CPNE4: variants seen among roughly 807,000 people sequenced by gnomAD.
CPNE4 encodes the protein copine 4, also known as copine-4.
A neutral mutation model predicts 67.9 loss-of-function variants in CPNE4; 25 were observed. The ratio of observed to expected loss-of-function variants is 0.37; its 90% CI spans 0.27 to 0.51. The LOEUF is 0.51. Ranked by LOEUF, CPNE4 falls within the 20% of genes least tolerant of loss-of-function variation. The pLI is 0.93. For synonymous variants in CPNE4, 242 were observed against 244.9 expected, an observed-to-expected ratio of 0.99 and a Z score of 0.11; for missense variants, 464 against 690.8, an observed-to-expected ratio of 0.67 and a Z score of 3.68.
chr3:131,717,926 C>CTTTCT (rs2081768597), intron 3 of CPNE4, among the ~76,000 whole-genome samples: 1 of 131,468 alleles, frequency 7.6e-6, no homozygotes, highest in African/African-American at 2.8e-5. Context: ...TTCTTTCTTT[C>CTTTCT]TTTCTTTCTT....
At chr3:131,728,761 T>A (rs2082059006) in intron 2 of CPNE4, among the ~76,000 whole-genome samples, 1 of 151,266 alleles carries the variant, frequency 6.6e-6, no homozygotes, top group Non-Finnish European at 1.5e-5. Flanking sequence ...AAAAAAAAAA[T>A]TAGCCGGTCG....
chr3:131,703,379 G>C (rs2081348534), intron 3 of CPNE4, among the ~76,000 whole-genome samples: 3 of 152,142 alleles, frequency 2.0e-5, no homozygotes, highest in African/African-American at 4.8e-5. Context: ...TCAACAAAAG[G>C]GTGAAGTGTA....
Position 131,915,134 on chromosome 3 carries a change from T to C in CPNE4, c.-1-9690A>G, listed in dbSNP as rs746364311. ...GTGGTGGTTAAATAACTTATCCCAA[T>C]GTCATAGTAAGTGACACAGCCAGGA... On this transcript the variant is annotated intron_variant, in intron 1 of 15. Transcript: ENST00000429747. 1.2e-3 allele frequency among the ~76,000 whole-genome samples: 186 copies of C among 152,350 alleles called. 1 individual carries two copies. Among genetic ancestry groups the C allele is most frequent in the Non-Finnish European group, 1.7e-3 (119 of 68,040 alleles).
chr3:131,779,645 A>C (rs2083383731), intron 2 of CPNE4, among the ~76,000 whole-genome samples: 2 of 152,150 alleles, frequency 1.3e-5, no homozygotes, highest in African/African-American at 4.8e-5. Context: ...AGAAGATTGA[A>C]ACTGGACCCT....
chr3:131,556,202 C>T (rs900469528), intron 11 of CPNE4, among the ~76,000 whole-genome samples: 19 of 151,948 alleles, frequency 1.3e-4, no homozygotes, highest in Admixed American at 2.0e-4. Context: ...GGAGAAACCC[C>T]ATCTCTACTA....
At chr3:131,696,440 TA>T in intron 5 of CPNE4, 101 bp downstream of exon 5, 1 of 1,058,254 alleles carries the variant, frequency 9.4e-7, no homozygotes, top group East Asian at 2.4e-5. Context: ...ATCTGTTTGA[TA>T]ATGTGGGTGG....
intron 10 of CPNE4, among the ~76,000 whole-genome samples, chr3:131,571,184 T>G (rs897859425): frequency 6.6e-6 from 1 of 152,014 alleles, no homozygotes; most frequent in South Asian, 2.1e-4. Context: ...AACCTTAGCT[T>G]TTTCCTCCTG....
chr3:131,665,208 A>G (rs564316019), intron 7 of CPNE4, among the ~76,000 whole-genome samples: 1 of 151,722 alleles, frequency 6.6e-6, no homozygotes, highest in Non-Finnish European at 1.5e-5. Context: ...AGAAAAATTA[A>G]TCTCTGCCAG....
chr3:131,623,813 TAGC>T (rs1940598010), intron 7 of CPNE4, among the ~76,000 whole-genome samples: 4 of 152,254 alleles, frequency 2.6e-5, no homozygotes, highest in Admixed American at 1.3e-4. Flanking sequence ...ATTTAGGTGA[TAGC>T]TAAACCAGTT....
At chr3:131,709,367 G>C (rs1296706115) in intron 3 of CPNE4, among the ~76,000 whole-genome samples, 2 of 152,158 alleles carry the variant, frequency 1.3e-5, no homozygotes, top group South Asian at 2.1e-4. Flanking sequence ...GCCTCTAACA[G>C]AGCTGAAGGA....
chr3:131,770,768 A>G (rs572929630), intron 2 of CPNE4, among the ~76,000 whole-genome samples: 6 of 152,342 alleles, frequency 3.9e-5, no homozygotes, highest in Admixed American at 2.0e-4. Flanking sequence ...TTTTGCCACC[A>G]AAAATTCTCA....
intron 2 of CPNE4, among the ~76,000 whole-genome samples, chr3:131,877,512 G>A (rs1459808680): frequency 6.6e-6 from 1 of 152,066 alleles, no homozygotes; most frequent in African/African-American, 2.4e-5. Flanking sequence ...GCGGGTACAG[G>A]GATGCAATGT....
chr3:131,638,345 A>G (rs1292351367), intron 7 of CPNE4, among the ~76,000 whole-genome samples: 1 of 152,168 alleles, frequency 6.6e-6, no homozygotes, highest in Admixed American at 6.5e-5. Context: ...AGGGGTGGAA[A>G]AAGATATTCC....
intron 2 of CPNE4, among the ~76,000 whole-genome samples, chr3:131,802,351 T>C (rs990084490): frequency 4.6e-5 from 7 of 152,104 alleles, no homozygotes; most frequent in Non-Finnish European, 2.9e-5. Context: ...AACAAGGTAA[T>C]TCATACAGAA....
chr3:131,832,921 G>T (rs116049293), intron 2 of CPNE4, among the ~76,000 whole-genome samples: 1 of 152,102 alleles, frequency 6.6e-6, no homozygotes, highest in Non-Finnish European at 1.5e-5. Context: ...AGACTGTTAC[G>T]CTCAGTCAAA....
intron 2 of CPNE4, among the ~76,000 whole-genome samples, chr3:131,901,323 T>C (rs2088544378): frequency 6.6e-6 from 1 of 152,112 alleles, no homozygotes; most frequent in Non-Finnish European, 1.5e-5. Context: ...GCATTCTAAA[T>C]TATCATTACA....
chr3:131,893,554 C>T (rs2088203039), intron 2 of CPNE4, among the ~76,000 whole-genome samples: 2 of 151,902 alleles, frequency 1.3e-5, no homozygotes, highest in African/African-American at 4.8e-5. Context: ...GAATGTTCTC[C>T]AGGATATATC....
At chr3:131,671,586 G>A (rs1258456019) in intron 6 of CPNE4, among the ~76,000 whole-genome samples, 2 of 151,782 alleles carry the variant, frequency 1.3e-5, no homozygotes, top group Admixed American at 6.6e-5. Flanking sequence ...TTCACTCATC[G>A]GAAAACCTTG....
chr3:131,989,442 TA>T (rs2073127325), intron 1 of CPNE4, among the ~76,000 whole-genome samples: 1 of 85,660 alleles, frequency 1.2e-5, no homozygotes, highest in Non-Finnish European at 3.2e-5. Flanking sequence ...TAACTACAAA[TA>T]CATGTATTAA....
Sources: gnomAD v4.1 joint callset for allele counts (sites outside exome capture counted in the v4.1 genomes callset) on GRCh38, gnomAD v4.1.1 for gene constraint, MANE v1.5 for transcripts, NCBI Gene and HGNC (gene_info 2026-07-23, HGNC 2026-07-21) for gene names.